SVBP: variants seen among roughly 807,000 people sequenced by gnomAD.
SVBP encodes small vasohibin-binding protein.
SVBP carries 9 observed loss-of-function variants against 9.2 expected under a neutral mutation model. That is an observed-to-expected ratio of 0.98 (90% confidence interval 0.59 to 1.71). The LOEUF (loss-of-function observed/expected upper bound fraction) is 1.71, where lower values mean the gene tolerates loss of function less well. Among genes scored for constraint, SVBP ranks in the 40% most tolerant of loss-of-function variants. The pLI, the probability that SVBP is intolerant of heterozygous loss-of-function variation, is 0.00. For synonymous variants in SVBP, 27 were observed against 23.9 expected (o/e 1.13, Z -0.37); for missense variants, 63 against 73.2 (o/e 0.86, Z 0.51).
Position 42,807,153 on chromosome 1 carries a change from G to GGT in SVBP, c.*260_*261insAC. 1 of 180,712 alleles carries GGT rather than the reference G, an allele frequency of 5.5e-6. No individual in the cohort carries two copies. The highest frequency in any genetic ancestry group is 8.0e-5 in the Admixed American group (1 of 12,542). 11.2% of individuals were successfully genotyped at this position (180,712 alleles called of 1,614,324 possible). A position where few individuals can be genotyped will look rare whatever the true frequency, so the allele number is the denominator to read the frequency against. ...AATAGAAAAAGTGTTTTTTGTGTGT[G>GGT]TTTTTTTTTTTTTTTTAAAAAAACC... On this transcript the variant is annotated 3_prime_UTR_variant, in exon 3 of 3. Transcript: ENST00000372521.
chr1:42,816,347 G>T, intron 2 of SVBP, 84 bp downstream of exon 2: 1 of 1,001,958 alleles, frequency 1.0e-6, no homozygotes, highest in African/African-American at 1.6e-5. Flanking sequence ...ATGGCTCGCT[G>T]TCAGTTCTCC....
At chr1:42,810,693 T>A (rs746245855) in intron 2 of SVBP, among the ~76,000 whole-genome samples, 6 of 152,086 alleles carry the variant, frequency 3.9e-5, no homozygotes, top group Non-Finnish European at 8.8e-5. Context: ...CAAACGGTGC[T>A]TCCACTGCCA....
Position 42,807,423 on chromosome 1 carries a change from A to T in SVBP, c.192T>A (p.Pro64=). 2 of 1,613,612 alleles carry T rather than the reference A, an allele frequency of 1.2e-6. No individual in the cohort carries two copies. The highest frequency in any genetic ancestry group is 1.7e-6 in the Non-Finnish European group (2 of 1,179,592). ...GTTTGAACCTGGGGCCTCATTCTCC[A>T]GGAGGCTGCATCTGTTTACAGAACT... ...FDEFCKQMQP[P]GE The change falls in exon 3 of 3, where the codon CCT becomes CCA. Residue 64 remains proline, a synonymous_variant. Coordinates refer to ENST00000372521, the MANE Select transcript of SVBP (RefSeq NM_199342.4).
In SVBP at chr1:42,808,425, G is replaced by GTA. The variant is rs536738348; in HGVS notation, c.115-927_115-926dup. The stretch of plus-strand genomic sequence containing the variant: ...ATATAAGCTATATATACTGTATACA[G>GTA]TATATATATAAGCTATATACACTAT... On this transcript the variant is annotated intron_variant, in intron 2 of 2. Transcript: ENST00000372521. Among the ~76,000 whole-genome samples, 117 of 141,792 alleles carry GTA rather than the reference G, an allele frequency of 8.3e-4. 1 individual carries two copies. The highest frequency in any genetic ancestry group is 3.0e-3 in the African/African-American group (116 of 38,356). 93.0% of individuals were successfully genotyped at this position (141,792 alleles called of 152,430 possible).
chr1:42,817,077 CG>C, intron 1 of SVBP, 112 bp downstream of exon 1: 9 of 565,490 alleles, frequency 1.6e-5, no homozygotes, highest in Non-Finnish European at 2.0e-5. Context: ...CCCCCGACCC[CG>C]CCCCGGCCCG....
chr1:42,817,050 G>GGCCCC, intron 1 of SVBP, 140 bp downstream of exon 1: 4 of 165,684 alleles, frequency 2.4e-5, no homozygotes, highest in Non-Finnish European at 3.5e-5. Context: ...AGCCGGGCCC[G>GGCCCC]CCCCCCACCG....
Position 42,807,408 on chromosome 1 carries a change from G to A in SVBP, c.*6C>T, listed in dbSNP as rs1254697390. ...TCAGGATCCCATCTGGTTTGAACCT[G>A]GGGCCTCATTCTCCAGGAGGCTGCA... is the stretch of plus-strand genomic sequence containing the variant. On this transcript the variant is annotated 3_prime_UTR_variant, in exon 3 of 3. Coordinates refer to ENST00000372521, the MANE Select transcript of SVBP (RefSeq NM_199342.4). 1 of 1,610,736 alleles carries A rather than the reference G, an allele frequency of 6.2e-7. No homozygotes were observed. The highest frequency in any genetic ancestry group is 8.5e-7 in the Non-Finnish European group (1 of 1,177,228).
Position 42,816,598 on chromosome 1 carries a change from A to C in SVBP, c.-36-18T>G. 2 of 1,255,926 alleles carry C rather than the reference A, an allele frequency of 1.6e-6. No individual in the cohort carries two copies. The highest frequency in any genetic ancestry group is 2.3e-6 in the Non-Finnish European group (2 of 862,140). The allele number at this position is 1,255,926 out of a possible 1,614,324, so 77.8% of individuals were successfully genotyped here. The stretch of plus-strand genomic sequence containing the variant: ...GCTCTGATCTGGGTGGTACAGAAAG[A>C]GGCAGATCTTCAAAACAAAACAAAA... On this transcript the variant is annotated intron_variant, in intron 1 of 2. Transcript: ENST00000372521.
rs1654261111 is a variant in SVBP at position 42,817,288 on chromosome 1, C to G, written c.-135G>C. The G allele has an allele frequency of 1.7e-6, 2 of 1,211,174 alleles. No homozygotes were observed. Among genetic ancestry groups the G allele is most frequent in the Non-Finnish European group, 2.1e-6 (2 of 942,412 alleles). The allele number at this position is 1,211,174 out of a possible 1,614,324, so 75.0% of individuals were successfully genotyped here. A position where few individuals can be genotyped will look rare whatever the true frequency, so the allele number is the denominator to read the frequency against. ...GCCTTCCCCCGACCACTGGACCCAG[C>G]GCTGCCTGCCCACCGCCCCTCGTCC... On this transcript the variant is annotated 5_prime_UTR_variant, in exon 1 of 3. Coordinates refer to ENST00000372521, the MANE Select transcript of SVBP (RefSeq NM_199342.4).
intron 2 of SVBP, chr1:42,813,527 T>C (rs1570517446): frequency 1.9e-6 from 1 of 535,100 alleles, no homozygotes; most frequent in East Asian, 5.3e-5. Context: ...AAATTTATAA[T>C]TTCTTCAAAA....
intron 2 of SVBP, 118 bp from the exon 3 acceptor site, chr1:42,807,618 G>C (rs1050482500): frequency 2.7e-6 from 2 of 733,380 alleles, no homozygotes; most frequent in East Asian, 2.5e-5. Context: ...TGGTAATGCA[G>C]GGACAGTGCT....
rs1228940918 is a variant in SVBP, at chr1:42,816,599, G to A, written c.-36-19C>T. On this transcript the variant is annotated intron_variant, in intron 1 of 2. Transcript: ENST00000372521. ...CTCTGATCTGGGTGGTACAGAAAGAGGCAGATCTTCAAAACAAAACAAAAC... is the reference window on the plus strand; with the variant it reads ...CTCTGATCTGGGTGGTACAGAAAGAAGCAGATCTTCAAAACAAAACAAAAC... 2 of 1,248,630 alleles carry A rather than the reference G, an allele frequency of 1.6e-6. No homozygotes were observed. The highest frequency in any genetic ancestry group is 2.3e-6 in the Non-Finnish European group (2 of 855,966). The allele number at this position is 1,248,630 out of a possible 1,614,324, so 77.3% of individuals were successfully genotyped here.
chr1:42,816,711 C>A (rs991375208), intron 1 of SVBP, 131 bp from the exon 2 acceptor site: 14 of 567,740 alleles, frequency 2.5e-5, no homozygotes, highest in Non-Finnish European at 4.0e-5. Context: ...GTGGCAAGGG[C>A]GCTGGATGTG....
At position 42,807,153 on chromosome 1, in the gene SVBP, G is replaced by T. The variant is rs200413607; in HGVS notation, c.*261C>A. ...AATAGAAAAAGTGTTTTTTGTGTGT[G>T]TTTTTTTTTTTTTTTTAAAAAAACC... On this transcript the variant is annotated 3_prime_UTR_variant, in exon 3 of 3. Coordinates refer to ENST00000372521, the MANE Select transcript of SVBP (RefSeq NM_199342.4). 58 of 181,120 alleles carry T rather than the reference G, an allele frequency of 3.2e-4. No homozygotes were observed. The highest frequency in any genetic ancestry group is 3.5e-4 in the Non-Finnish European group (33 of 93,630). 11.2% of individuals were successfully genotyped at this position (181,120 alleles called of 1,614,324 possible). A position where few individuals can be genotyped will look rare whatever the true frequency, so the allele number is the denominator to read the frequency against.
chr1:42,809,537 C>A (rs1016921453), intron 2 of SVBP, among the ~76,000 whole-genome samples: 3 of 152,108 alleles, frequency 2.0e-5, no homozygotes, highest in Non-Finnish European at 2.9e-5. Context: ...ACTGACATAA[C>A]AGAAATGAAA....
chr1:42,807,951 G>C (rs953411034), intron 2 of SVBP, among the ~76,000 whole-genome samples: 6 of 151,816 alleles, frequency 4.0e-5, no homozygotes, highest in African/African-American at 1.5e-4. Flanking sequence ...GAAAAGTATA[G>C]AGTCTGTTCT....
intron 1 of SVBP, chr1:42,816,784 C>T (rs66967207): frequency 0.32 from 151,046 of 471,502 alleles, 26,076 homozygotes; most frequent in East Asian, 0.61. Context: ...AAGTCTCCTC[C>T]CCACTTTGAG....
chr1:42,809,840 CAT>C (rs1452609207), intron 2 of SVBP, among the ~76,000 whole-genome samples: 2 of 151,970 alleles, frequency 1.3e-5, no homozygotes, highest in Admixed American at 6.6e-5. Context: ...GTCACGGTAA[CAT>C]ATATAAAAGG....
chr1:42,814,056 G>T (rs980161541), intron 2 of SVBP, among the ~76,000 whole-genome samples: 1 of 151,398 alleles, frequency 6.6e-6, no homozygotes, highest in African/African-American at 2.4e-5. Context: ...CAAATTCCTC[G>T]AACAGTGCCT....
Sources: allele counts gnomAD v4.1 joint callset (sites outside exome capture counted in the v4.1 genomes callset), GRCh38; gene constraint gnomAD v4.1.1; transcripts MANE v1.5; gene names NCBI Gene and HGNC (gene_info 2026-07-23, HGNC 2026-07-21).